The following TANGO6 variants were observed in gnomAD, a reference collection of about 807,000 sequenced individuals.
The protein encoded by TANGO6 is transport and Golgi organization protein 6 homolog.
In TANGO6, 90 loss-of-function variants were observed where a neutral mutation model predicts 114.2. The ratio of observed to expected loss-of-function variants is 0.79; its 90% confidence interval spans 0.66 to 0.94. TANGO6 has a LOEUF of 0.94. TANGO6 is among the 40% of genes least tolerant of loss of function. The pLI, the probability that TANGO6 is intolerant of heterozygous loss-of-function variation, is 0.00. For synonymous variants in TANGO6, 477 were observed against 509.8 expected (o/e 0.94, Z 0.87); for missense variants, 1,274 against 1,315.3 (o/e 0.97, Z 0.49).
intron 17 of TANGO6, among the ~76,000 whole-genome samples, chr16:69,070,044 TAAA>T (rs775552668): frequency 9.3e-5 from 7 of 75,364 alleles, no homozygotes; most frequent in Admixed American, 1.6e-4. Context: ...CTGTCTGTAC[TAAA>T]AAAAAAAAAA....
At chr16:69,080,455 A>G (rs1480529179) in intron 17 of TANGO6, among the ~76,000 whole-genome samples, 1 of 151,946 alleles carries the variant, frequency 6.6e-6, no homozygotes, top group East Asian at 1.9e-4. Context: ...GGAGGCTGAG[A>G]TGGAGGATTG....
At chr16:69,001,108 C>A (rs924333014) in intron 15 of TANGO6, among the ~76,000 whole-genome samples, 3 of 152,086 alleles carry the variant, frequency 2.0e-5, no homozygotes, top group Non-Finnish European at 4.4e-5. Flanking sequence ...ATTTTAATTT[C>A]TTTAATGTAA....
intron 15 of TANGO6, among the ~76,000 whole-genome samples, chr16:69,000,822 C>T (rs1201923103): frequency 6.6e-6 from 1 of 152,052 alleles, no homozygotes; most frequent in East Asian, 1.9e-4. Flanking sequence ...GAAATCCTGA[C>T]CTCAAGTGAT....
chr16:69,083,162 T>G (rs981493848), intron 17 of TANGO6, among the ~76,000 whole-genome samples: 3 of 148,934 alleles, frequency 2.0e-5, no homozygotes, highest in African/African-American at 7.5e-5. Context: ...CAGGCTCAGA[T>G]GATCCTCCCA....
chr16:69,016,057 C>T (rs1298042196), intron 15 of TANGO6, among the ~76,000 whole-genome samples: 7 of 152,172 alleles, frequency 4.6e-5, no homozygotes, highest in Admixed American at 4.6e-4. Flanking sequence ...GTCAACTCCC[C>T]CGCTCCTTAT....
chr16:69,079,167 T>A (rs1034928120), intron 17 of TANGO6, among the ~76,000 whole-genome samples: 1 of 151,852 alleles, frequency 6.6e-6, no homozygotes, highest in Non-Finnish European at 1.5e-5. Flanking sequence ...CTCTATTTTT[T>A]AAAAAATTCA....
At chr16:68,966,824 T>G (rs1597040057) in intron 14 of TANGO6, among the ~76,000 whole-genome samples, 1 of 148,594 alleles carries the variant, frequency 6.7e-6, no homozygotes, top group African/African-American at 2.5e-5. Context: ...CAGGCTGGAG[T>G]GCAGTGGCAT....
chr16:68,975,643 A>C (rs540170945), intron 15 of TANGO6, among the ~76,000 whole-genome samples: 1 of 151,566 alleles, frequency 6.6e-6, no homozygotes, highest in South Asian at 2.1e-4. Flanking sequence ...CTGCAGCCTG[A>C]ACCTCCTGGA....
chr16:68,881,304 C>T lies in TANGO6; in HGVS notation c.1377+674C>T, dbSNP rs955910651. On this transcript the variant is annotated intron_variant, in intron 7 of 17. Coordinates refer to ENST00000261778, the MANE Select transcript of TANGO6 (RefSeq NM_024562.2). ...CGAGGAGAGTGGATCACCTGAGGCCCGGAGTTCAAGACCAGCCTGGCCAAT... is the reference window on the plus strand; with the variant it reads ...CGAGGAGAGTGGATCACCTGAGGCCTGGAGTTCAAGACCAGCCTGGCCAAT... Among the ~76,000 whole-genome samples, 46 of 151,950 alleles carry T rather than the reference C, an allele frequency of 3.0e-4. 3 individuals carry two copies. The highest frequency in any genetic ancestry group is 2.0e-3 in the Admixed American group (31 of 15,242).
intron 15 of TANGO6, among the ~76,000 whole-genome samples, chr16:68,995,056 A>G (rs8054743): frequency 0.086 from 13,082 of 152,178 alleles, 651 homozygotes; most frequent in African/African-American, 0.13. Flanking sequence ...CAATAGTTCC[A>G]CTATCAAGTT....
rs1964130461 is a variant in TANGO6, at chr16:69,009,975, A to G, written c.2843-12853A>G. Among the ~76,000 whole-genome samples the G allele has an allele frequency of 2.0e-5, 3 of 152,322 alleles. No homozygotes were observed. The South Asian group carries it at 6.2e-4, about 32-fold the overall frequency. On this transcript the variant is annotated intron_variant, in intron 15 of 17. Coordinates refer to ENST00000261778, the MANE Select transcript of TANGO6 (RefSeq NM_024562.2). Reference sequence around the variant, plus strand: ...TCAGTGCTGCTAAGCTGGTGAGGCCACCCCCAAATGACTGTGCGATTGATG... The same window carrying G: ...TCAGTGCTGCTAAGCTGGTGAGGCCGCCCCCAAATGACTGTGCGATTGATG...
chr16:68,969,323 A>C (rs1021345843), intron 14 of TANGO6, among the ~76,000 whole-genome samples: 1 of 152,328 alleles, frequency 6.6e-6, no homozygotes, highest in Non-Finnish European at 1.5e-5. Flanking sequence ...AGAGTGTCTA[A>C]GTACAGAAAG....
intron 8 of TANGO6, among the ~76,000 whole-genome samples, chr16:68,901,819 C>T (rs577277323): frequency 2.8e-4 from 43 of 152,224 alleles, no homozygotes; most frequent in African/African-American, 9.6e-4. Flanking sequence ...CAAGTCCTCA[C>T]AGCACTGTCA....
At chr16:68,902,546 C>T (rs758954038) in intron 9 of TANGO6, 42 bp downstream of exon 9, 7 of 1,514,276 alleles carry the variant, frequency 4.6e-6, no homozygotes, top group Non-Finnish European at 6.2e-6. Context: ...AGATTTAGTT[C>T]CGCCCAAAAG....
chr16:68,866,943 A>G, intron 3 of TANGO6, 136 bp from the exon 4 acceptor site: 1 of 901,398 alleles, frequency 1.1e-6, no homozygotes, highest in Admixed American at 3.4e-5. Flanking sequence ...CTCTAAATAA[A>G]TAAATAAGTC....
intron 14 of TANGO6, among the ~76,000 whole-genome samples, chr16:68,939,763 A>C (rs1225605620): frequency 1.3e-5 from 2 of 152,138 alleles, no homozygotes; most frequent in Admixed American, 1.3e-4. Context: ...ACACGTACAT[A>C]TTTTCAGATT....
chr16:68,935,519 G>A (rs533509697), intron 14 of TANGO6, among the ~76,000 whole-genome samples: 18 of 152,028 alleles, frequency 1.2e-4, no homozygotes, highest in Non-Finnish European at 2.5e-4. Context: ...TACCCTAGGA[G>A]TTAAATTTAA....
intron 17 of TANGO6, among the ~76,000 whole-genome samples, chr16:69,053,109 A>G (rs1299095145): frequency 1.3e-5 from 2 of 152,194 alleles, no homozygotes; most frequent in East Asian, 1.9e-4. Flanking sequence ...GTCTCAAAAA[A>G]TAAATAAAAA....
intron 12 of TANGO6, among the ~76,000 whole-genome samples, chr16:68,926,036 T>C (rs1043914507): frequency 4.6e-5 from 7 of 151,416 alleles, no homozygotes; most frequent in Non-Finnish European, 1.0e-4. Flanking sequence ...TTGTCTTGGC[T>C]GGTTTTTTTT....
Sources: allele counts gnomAD v4.1 joint callset (sites outside exome capture counted in the v4.1 genomes callset), GRCh38; gene constraint gnomAD v4.1.1; transcripts MANE v1.5; gene names NCBI Gene and HGNC (gene_info 2026-07-23, HGNC 2026-07-21).